The following UNC5C variants were observed in gnomAD, a reference collection of about 807,000 sequenced individuals.
UNC5C encodes netrin receptor UNC5C.
Under a neutral mutation model 99.8 loss-of-function variants are expected in UNC5C, and 47 were observed. The ratio of observed to expected loss-of-function variants is 0.47; its 90% CI spans 0.37 to 0.60. The LOEUF (loss-of-function observed/expected upper bound fraction) is 0.60, where lower values mean the gene tolerates loss of function less well. Ranked by LOEUF, UNC5C falls within the 20% of genes least tolerant of loss-of-function variation. The probability of loss-of-function intolerance (pLI) is 0.00; values close to 1 mark genes in which losing one functional copy is unlikely to be tolerated. For missense variants in UNC5C, 1,062 were observed against 1,165.9 expected, an observed-to-expected ratio of 0.91 and a Z score of 1.30; for synonymous variants, 487 against 452.2, an observed-to-expected ratio of 1.08 and a Z score of -0.98.
intron 3 of UNC5C, among the ~76,000 whole-genome samples, chr4:95,284,175 T>A (rs537110873): frequency 1.3e-5 from 2 of 152,296 alleles, no homozygotes; most frequent in Admixed American, 1.3e-4. Flanking sequence ...TGATGCAGAA[T>A]ACATGATTCA....
intron 1 of UNC5C, among the ~76,000 whole-genome samples, chr4:95,548,362 G>A (rs188152819): frequency 1.1e-3 from 171 of 152,016 alleles, no homozygotes; most frequent in African/African-American, 3.6e-3. Flanking sequence ...ATGTCACACA[G>A]CCACCCGCAC....
chr4:95,181,455 G>A (rs1736606997), intron 14 of UNC5C, among the ~76,000 whole-genome samples: 2 of 152,086 alleles, frequency 1.3e-5, no homozygotes, highest in Admixed American at 1.3e-4. Flanking sequence ...CAGAAAGCAA[G>A]CATCAAAGGA....
At chr4:95,289,466 C>A (rs903989572) in intron 3 of UNC5C, among the ~76,000 whole-genome samples, 1 of 152,192 alleles carries the variant, frequency 6.6e-6, no homozygotes, top group Admixed American at 6.5e-5. Flanking sequence ...GCAAATACAG[C>A]TGCTGTACTA....
chr4:95,545,051 T>G (rs866432648), intron 1 of UNC5C, among the ~76,000 whole-genome samples: 44 of 152,318 alleles, frequency 2.9e-4, no homozygotes, highest in African/African-American at 1.1e-3. Flanking sequence ...CTAAATAAGC[T>G]AACAGGGTTT....
chr4:95,382,093 A>T (rs535862036), intron 1 of UNC5C, among the ~76,000 whole-genome samples: 1 of 152,284 alleles, frequency 6.6e-6, no homozygotes, highest in Non-Finnish European at 1.5e-5. Context: ...CAAGTGTAGC[A>T]GGTTTCAATA....
At chr4:95,266,747 GCT>G (rs1740461838) in intron 4 of UNC5C, among the ~76,000 whole-genome samples, 1 of 152,124 alleles carries the variant, frequency 6.6e-6, no homozygotes, top group Admixed American at 6.5e-5. Context: ...TTTCAAAAAT[GCT>G]CTGTTACCTC....
intron 1 of UNC5C, among the ~76,000 whole-genome samples, chr4:95,366,748 T>G (rs2149437175): frequency 6.6e-6 from 1 of 152,322 alleles, no homozygotes; most frequent in Admixed American, 6.5e-5. Context: ...TTGGTTTTGT[T>G]TCTTTTTTAA....
intron 7 of UNC5C, among the ~76,000 whole-genome samples, chr4:95,233,301 G>C (rs965349460): frequency 2.6e-5 from 4 of 152,152 alleles, no homozygotes; most frequent in African/African-American, 9.7e-5. Context: ...ATTCCAAGCA[G>C]TTCTTGTTAG....
chr4:95,203,936 C>T (rs1737782738), intron 11 of UNC5C, among the ~76,000 whole-genome samples: 1 of 150,880 alleles, frequency 6.6e-6, no homozygotes, highest in Admixed American at 6.6e-5. Context: ...GAGGATTGGC[C>T]AAGCAGGCAG....
chr4:95,394,157 A>T (rs1745441769), intron 1 of UNC5C, among the ~76,000 whole-genome samples: 1 of 151,718 alleles, frequency 6.6e-6, no homozygotes, highest in Non-Finnish European at 1.5e-5. Context: ...TTGCTTCTCC[A>T]TTTGATTTAT....
At chr4:95,400,593 G>A (rs545428963) in intron 1 of UNC5C, among the ~76,000 whole-genome samples, 8 of 151,992 alleles carry the variant, frequency 5.3e-5, no homozygotes, top group South Asian at 2.1e-4. Context: ...GGGTTTCACC[G>A]TGTTAGCCAG....
At chr4:95,528,939 T>C (rs908866365) in intron 1 of UNC5C, among the ~76,000 whole-genome samples, 1 of 152,178 alleles carries the variant, frequency 6.6e-6, no homozygotes, top group Non-Finnish European at 1.5e-5. Context: ...CTTGATTTTT[T>C]TTTCTGAAAA....
rs533281748 is a variant in UNC5C at position 95,273,445 on chromosome 4, A to G, written c.594+4814T>C. ...TTCTGGCTCTCCATGTGACAGTAAC[A>G]TTTTCTAGGCATAAAATAAAATGAG... is the stretch of plus-strand genomic sequence containing the variant. On this transcript the variant is annotated intron_variant, in intron 4 of 15. Coordinates refer to ENST00000453304, the MANE Select transcript of UNC5C (RefSeq NM_003728.4). Among the ~76,000 whole-genome samples the G allele has an allele frequency of 3.3e-5, 5 of 152,296 alleles. No homozygotes were observed. In the South Asian group the frequency reaches 1.0e-3, roughly 32 times the overall value.
At chr4:95,263,067 G>A (rs956991369) in intron 4 of UNC5C, among the ~76,000 whole-genome samples, 13 of 151,946 alleles carry the variant, frequency 8.6e-5, no homozygotes, top group African/African-American at 2.9e-4. Context: ...CACCTGCCTC[G>A]GCCTCCCAAA....
At chr4:95,181,273 C>T (rs190468702) in intron 14 of UNC5C, among the ~76,000 whole-genome samples, 12 of 152,338 alleles carry the variant, frequency 7.9e-5, no homozygotes, top group Non-Finnish European at 1.8e-4. Flanking sequence ...AATCTTTCCT[C>T]TGTGTTGCCA....
chr4:95,476,543 C>T (rs572305087), intron 1 of UNC5C, among the ~76,000 whole-genome samples: 2 of 152,082 alleles, frequency 1.3e-5, no homozygotes, highest in Middle Eastern at 6.8e-3. Flanking sequence ...AGAAGACTTC[C>T]TTTGTCCCTA....
At chr4:95,215,950 G>T (rs902089954) in intron 10 of UNC5C, 174 bp downstream of exon 10, 1 of 498,984 alleles carries the variant, frequency 2.0e-6, no homozygotes, top group Non-Finnish European at 3.5e-6. Flanking sequence ...AGCGTCTGGA[G>T]CCTCAAAGAC....
chr4:95,318,748 T>G (rs1214840191), intron 2 of UNC5C, among the ~76,000 whole-genome samples: 1 of 152,178 alleles, frequency 6.6e-6, no homozygotes, highest in Non-Finnish European at 1.5e-5. Flanking sequence ...GAAATTTTAA[T>G]TCACTTAAGC....
At chr4:95,439,297 A>G (rs1017529370) in intron 1 of UNC5C, among the ~76,000 whole-genome samples, 4 of 152,200 alleles carry the variant, frequency 2.6e-5, no homozygotes, top group Non-Finnish European at 5.9e-5. Flanking sequence ...GATGATGTAA[A>G]GAAGGGTTCA....
Sources: allele counts gnomAD v4.1 joint callset (sites outside exome capture counted in the v4.1 genomes callset), GRCh38; gene constraint gnomAD v4.1.1; transcripts MANE v1.5; gene names NCBI Gene and HGNC (gene_info 2026-07-23, HGNC 2026-07-21).